The following CTNNA3 variants were observed in gnomAD, a reference collection of about 807,000 sequenced individuals.
The protein encoded by CTNNA3 is catenin alpha-3.
CTNNA3 carries 76 observed loss-of-function variants against 95.7 expected under a neutral mutation model. The observed-to-expected ratio is 0.79, with a 90% confidence interval of 0.66 to 0.96. The LOEUF is 0.96. Ranked by LOEUF, CTNNA3 falls within the 40% of genes least tolerant of loss-of-function variation. The pLI is 0.00. For synonymous variants in CTNNA3, 431 were observed against 374.4 expected, an observed-to-expected ratio of 1.15 and a Z score of -1.74; for missense variants, 1,191 against 1,089.8, an observed-to-expected ratio of 1.09 and a Z score of -1.31.
chr10:66,429,118 G>GAAATACAAACTACCATCAGAGAATACTA (rs2093272134), intron 11 of CTNNA3, among the ~76,000 whole-genome samples: 2 of 149,288 alleles, frequency 1.3e-5, no homozygotes, highest in Non-Finnish European at 1.5e-5. Flanking sequence ...AGAGAATACT[G>GAAATACAAACTACCATCAGAGAATACTA]TAAACACCTC....
At position 67,045,071 on chromosome 10, in the gene CTNNA3, T is replaced by TGAAA. The variant is rs565406313; in HGVS notation, c.1047+135242_1047+135245dup. On this transcript the variant is annotated intron_variant, in intron 7 of 17. Coordinates refer to ENST00000433211, the MANE Select transcript of CTNNA3 (RefSeq NM_013266.4). ...TGAACAAGTTTATAGATGCCAAATA[T>TGAAA]GAAAGAAATAAATACATATTAAAGA... is the stretch of plus-strand genomic sequence containing the variant. Among the ~76,000 whole-genome samples, 155 of 152,280 alleles carry TGAAA rather than the reference T, an allele frequency of 1.0e-3. No individual in the cohort carries two copies. The Middle Eastern group carries it at 0.01, about 10-fold the overall frequency.
chr10:66,461,671 C>T (rs752840104), intron 11 of CTNNA3, among the ~76,000 whole-genome samples: 4 of 135,982 alleles, frequency 2.9e-5, no homozygotes, highest in Admixed American at 7.3e-5. Context: ...TTTGCACTCA[C>T]GTTATATATA....
intron 5 of CTNNA3, among the ~76,000 whole-genome samples, chr10:67,357,316 A>C (rs1842843864): frequency 6.6e-6 from 1 of 152,160 alleles, no homozygotes; most frequent in African/African-American, 2.4e-5. Flanking sequence ...AGAAGATAAA[A>C]TATATCTGGA....
intron 5 of CTNNA3, among the ~76,000 whole-genome samples, chr10:67,261,013 C>T (rs539388812): frequency 6.6e-6 from 1 of 152,092 alleles, no homozygotes; most frequent in Non-Finnish European, 1.5e-5. Flanking sequence ...ATTTCTTTGA[C>T]AAAAGAAAGT....
chr10:66,324,526 C>T (rs536697849), intron 12 of CTNNA3, among the ~76,000 whole-genome samples: 145 of 152,226 alleles, frequency 9.5e-4, no homozygotes, highest in African/African-American at 3.4e-3. Flanking sequence ...CATTGTAACA[C>T]TGGGGTTGCA....
intron 7 of CTNNA3, among the ~76,000 whole-genome samples, chr10:66,827,148 G>A (rs1842544855): frequency 6.6e-6 from 1 of 152,064 alleles, no homozygotes; most frequent in Admixed American, 6.5e-5. Flanking sequence ...CAGTCTCCTT[G>A]GCCAGCTTTC....
intron 15 of CTNNA3, among the ~76,000 whole-genome samples, chr10:66,064,962 T>C (rs2080283078): frequency 6.6e-6 from 1 of 152,078 alleles, no homozygotes; most frequent in South Asian, 2.1e-4. Flanking sequence ...ATTCTGGGTA[T>C]AAAAAAAGGC....
At chr10:66,574,293 T>C (rs950426508) in intron 10 of CTNNA3, among the ~76,000 whole-genome samples, 2 of 151,702 alleles carry the variant, frequency 1.3e-5, no homozygotes, top group Non-Finnish European at 2.9e-5. Context: ...AAGAAAGCAA[T>C]AATGTAATAA....
intron 5 of CTNNA3, among the ~76,000 whole-genome samples, chr10:67,336,109 A>T (rs1483630489): frequency 6.6e-6 from 1 of 152,132 alleles, no homozygotes; most frequent in African/African-American, 2.4e-5. Flanking sequence ...AAGAAAGTGA[A>T]CTTAATTACT....
intron 12 of CTNNA3, among the ~76,000 whole-genome samples, chr10:66,359,429 A>G (rs1245207571): frequency 6.6e-6 from 1 of 152,172 alleles, no homozygotes; most frequent in Admixed American, 6.5e-5. Context: ...GTGATCCTAA[A>G]TAAGGCCTGA....
chr10:67,445,130 A>T (rs1846692757), intron 5 of CTNNA3, among the ~76,000 whole-genome samples: 1 of 152,080 alleles, frequency 6.6e-6, no homozygotes, highest in East Asian at 1.9e-4. Context: ...AGCAGACCAG[A>T]CAAAGACATA....
In CTNNA3 at chr10:66,135,682, ATAAT is replaced by A. The variant is rs559888313; in HGVS notation, c.1885-32437_1885-32434del. 3.6e-3 allele frequency among the ~76,000 whole-genome samples: 548 copies of A among 152,310 alleles called. 2 individuals carry two copies. The highest frequency in any genetic ancestry group is 5.7e-3 in the Non-Finnish European group (391 of 68,024). ...ATGATCTCTAAGTATCCTCAAGCAG[ATAAT>A]TAAGAACAAAAGAAAAAGTGTTTCT... On this transcript the variant is annotated intron_variant, in intron 13 of 17. Coordinates refer to ENST00000433211, the MANE Select transcript of CTNNA3 (RefSeq NM_013266.4).
chr10:67,399,022 T>C (rs1029542367), intron 5 of CTNNA3, among the ~76,000 whole-genome samples: 3 of 151,246 alleles, frequency 2.0e-5, no homozygotes, highest in African/African-American at 7.2e-5. Flanking sequence ...GAATACACTA[T>C]TCATTAAGTG....
intron 11 of CTNNA3, among the ~76,000 whole-genome samples, chr10:66,519,169 A>T (rs1401975536): frequency 6.6e-6 from 1 of 152,150 alleles, no homozygotes; most frequent in Non-Finnish European, 1.5e-5. Flanking sequence ...TGAGAGAATA[A>T]AAAAGACGAA....
chr10:66,082,043 G>A (rs187290537), intron 14 of CTNNA3, among the ~76,000 whole-genome samples: 121 of 152,078 alleles, frequency 8.0e-4, no homozygotes, highest in African/African-American at 2.7e-3. Flanking sequence ...GCTTGAACCC[G>A]GGAGGCTGAG....
chr10:67,232,273 T>A (rs1865249856), intron 5 of CTNNA3, among the ~76,000 whole-genome samples: 1 of 152,094 alleles, frequency 6.6e-6, no homozygotes, highest in Admixed American at 6.5e-5. Context: ...AAGCTTGGGT[T>A]ACCCTCAAAG....
chr10:66,117,672 C>T (rs144007778), intron 13 of CTNNA3, among the ~76,000 whole-genome samples: 18 of 152,286 alleles, frequency 1.2e-4, no homozygotes, highest in Admixed American at 1.2e-3. Flanking sequence ...ACTAATAAGG[C>T]TGGCAATATG....
chr10:67,133,394 C>G (rs959669658), intron 7 of CTNNA3, among the ~76,000 whole-genome samples: 5 of 145,264 alleles, frequency 3.4e-5, no homozygotes, highest in Non-Finnish European at 6.0e-5. Flanking sequence ...CACACACACA[C>G]ACACACACAA....
chr10:66,708,646 T>C (rs1412391362), intron 9 of CTNNA3, among the ~76,000 whole-genome samples: 1 of 152,080 alleles, frequency 6.6e-6, no homozygotes, highest in African/African-American at 2.4e-5. Context: ...GCCAGAGAGC[T>C]GTCATGAAAT....
Sources: allele counts gnomAD v4.1 joint callset (sites outside exome capture counted in the v4.1 genomes callset), GRCh38; gene constraint gnomAD v4.1.1; transcripts MANE v1.5; gene names NCBI Gene and HGNC (gene_info 2026-07-23, HGNC 2026-07-21).